Variants in NPHP4 observed in about 807,000 individuals in gnomAD.
The protein encoded by NPHP4 is nephrocystin 4.
NPHP4 carries 151 observed loss-of-function variants against 155.8 expected under a neutral mutation model. The observed-to-expected ratio is 0.97, with a 90% CI of 0.85 to 1.11. NPHP4 has a LOEUF of 1.11. NPHP4 is among the 50% of genes least tolerant of loss of function. The pLI is 0.00. For synonymous variants in NPHP4, 845 were observed against 816.8 expected (o/e 1.03, Z -0.59); for missense variants, 1,956 against 1,925.7 (o/e 1.02, Z -0.29).
At chr1:5,873,816 A>G (rs1460857724) in intron 22 of NPHP4, 1 of 268,010 alleles carries the variant, frequency 3.7e-6, no homozygotes. Context: ...GCACACCTGC[A>G]CACACACCTC....
Position 5,893,988 on chromosome 1 carries a change from C to T in NPHP4, c.2144-2960G>A, listed in dbSNP as rs1644269944. 4.6e-5 allele frequency among the ~76,000 whole-genome samples: 7 copies of T among 152,084 alleles called. No individual in the cohort carries two copies. In the South Asian group the frequency reaches 1.5e-3, roughly 32 times the overall value. ...TTTTTCCTAGGTTATGACCGTAGAG[C>T]GAGGATTATTATAATATTGGAATAC... On this transcript the variant is annotated intron_variant, in intron 16 of 29. Coordinates refer to ENST00000378156, the MANE Select transcript of NPHP4 (RefSeq NM_015102.5).
At chr1:5,962,967 C>A (rs914680998) in intron 5 of NPHP4, among the ~76,000 whole-genome samples, 5 of 152,234 alleles carry the variant, frequency 3.3e-5, no homozygotes, top group Admixed American at 6.5e-5. Flanking sequence ...TCCCGAGGCA[C>A]AGGGCATGCA....
At chr1:5,915,319 A>G (rs1002194300) in intron 11 of NPHP4, among the ~76,000 whole-genome samples, 2 of 152,186 alleles carry the variant, frequency 1.3e-5, no homozygotes, top group African/African-American at 4.8e-5. Flanking sequence ...GTAAAGATGC[A>G]GTCTCTGGGG....
At chr1:5,946,781 G>A (rs1557803126) in intron 9 of NPHP4, among the ~76,000 whole-genome samples, 2 of 152,298 alleles carry the variant, frequency 1.3e-5, no homozygotes, top group East Asian at 1.9e-4. Context: ...TTATGCCTAC[G>A]TAATAAAGTT....
In NPHP4 at chr1:5,899,824, T is replaced by C. The variant is rs568783756; in HGVS notation, c.2143+4793A>G. On this transcript the variant is annotated intron_variant, in intron 16 of 29. Coordinates refer to ENST00000378156, the MANE Select transcript of NPHP4 (RefSeq NM_015102.5). ...GGTAAGAGAATAAAAAGACAAGCCA[T>C]AGATAGGGAAAAAACATTTGCAAAA... 8.5e-5 allele frequency among the ~76,000 whole-genome samples: 13 copies of C among 152,162 alleles called. No homozygotes were observed. The South Asian group carries it at 1.9e-3, about 22-fold the overall frequency.
intron 3 of NPHP4, among the ~76,000 whole-genome samples, chr1:5,976,608 G>A (rs966593083): frequency 6.6e-6 from 1 of 152,178 alleles, no homozygotes; most frequent in African/African-American, 2.4e-5. Flanking sequence ...TCCTGACACG[G>A]CTGGCCAGAG....
intron 11 of NPHP4, among the ~76,000 whole-genome samples, chr1:5,924,416 A>G (rs539252637): frequency 6.6e-6 from 1 of 152,218 alleles, no homozygotes; most frequent in Admixed American, 6.5e-5. Flanking sequence ...AAAATCAGTT[A>G]AAGAATCATT....
intron 27 of NPHP4, 34 bp downstream of exon 27, chr1:5,865,068 G>A (rs201415601): frequency 6.7e-5 from 108 of 1,602,200 alleles, no homozygotes; most frequent in Admixed American, 6.2e-4. Flanking sequence ...TGGGGTTGGG[G>A]AGAGGCTCAG....
intron 2 of NPHP4, among the ~76,000 whole-genome samples, chr1:5,985,537 G>A (rs1655347816): frequency 6.6e-6 from 1 of 152,258 alleles, no homozygotes; most frequent in African/African-American, 2.4e-5. Flanking sequence ...GGGCCATGCT[G>A]AGCCATGCAC....
At chr1:5,986,938 G>A (rs1655575922) in intron 1 of NPHP4, among the ~76,000 whole-genome samples, 1 of 152,080 alleles carries the variant, frequency 6.6e-6, no homozygotes, top group Non-Finnish European at 1.5e-5. Flanking sequence ...GACCCAGGGA[G>A]CATGAGAGAG....
chr1:5,956,066 G>GGT (rs914319120), intron 6 of NPHP4, among the ~76,000 whole-genome samples: 12 of 150,100 alleles, frequency 8.0e-5, no homozygotes, highest in Non-Finnish European at 1.3e-4. Context: ...AGCTGGGGGG[G>GGT]GGGGGTGCAG....
Position 5,863,420 on chromosome 1 carries a change from C to G in NPHP4, c.4141-15G>C. 6.2e-7 allele frequency: 1 copy of G among 1,611,444 alleles called. No individual in the cohort carries two copies. The highest frequency in any genetic ancestry group is 8.5e-7 in the Non-Finnish European group (1 of 1,177,720). ...CCACCCCCGACCTGGAAATAAGCAT[C>G]CAAATCCCAGCATCCACCCCCGGGC... is the stretch of plus-strand genomic sequence containing the variant. On this transcript the variant is annotated splice_polypyrimidine_tract_variant and intron_variant, in intron 29 of 29. Coordinates refer to ENST00000378156, the MANE Select transcript of NPHP4 (RefSeq NM_015102.5).
At chr1:5,903,349 C>A (rs1201331988) in intron 16 of NPHP4, among the ~76,000 whole-genome samples, 1 of 152,142 alleles carries the variant, frequency 6.6e-6, no homozygotes, top group Non-Finnish European at 1.5e-5. Flanking sequence ...TGATCCCTAG[C>A]GCTGCATTTG....
intron 11 of NPHP4, among the ~76,000 whole-genome samples, chr1:5,919,217 T>C (rs545005974): frequency 1.9e-4 from 29 of 152,362 alleles, no homozygotes; most frequent in African/African-American, 6.3e-4. Context: ...TGGGCCTCAA[T>C]TGTAGAAACA....
chr1:5,938,575 G>A, intron 9 of NPHP4, among the ~76,000 whole-genome samples: 1 of 152,220 alleles, frequency 6.6e-6, no homozygotes, highest in East Asian at 1.9e-4. Flanking sequence ...CCTAACCACA[G>A]GCAGTTAAAG....
chr1:5,978,212 C>A, intron 3 of NPHP4, 58 bp downstream of exon 3: 1 of 1,533,586 alleles, frequency 6.5e-7, no homozygotes, highest in East Asian at 2.4e-5. Flanking sequence ...CACCCAGGAC[C>A]ACCCGCACAC....
At chr1:5,987,998 T>C (rs1655730517) in intron 1 of NPHP4, among the ~76,000 whole-genome samples, 2 of 152,224 alleles carry the variant, frequency 1.3e-5, no homozygotes, top group African/African-American at 4.8e-5. Context: ...GGGGCAGTGA[T>C]ATAACGTGAT....
At chr1:5,974,879 G>A (rs996977843) in intron 3 of NPHP4, among the ~76,000 whole-genome samples, 1 of 152,112 alleles carries the variant, frequency 6.6e-6, no homozygotes, top group African/African-American at 2.4e-5. Flanking sequence ...AGCCACGGGC[G>A]CTCCAAATGC....
chr1:5,989,639 C>T (rs1388625837), intron 1 of NPHP4, among the ~76,000 whole-genome samples: 2 of 152,268 alleles, frequency 1.3e-5, no homozygotes, highest in Non-Finnish European at 2.9e-5. Context: ...TGTTTTATAA[C>T]ATTCAGAAAT....
Sources: allele counts gnomAD v4.1 joint callset (sites outside exome capture counted in the v4.1 genomes callset), GRCh38; gene constraint gnomAD v4.1.1; transcripts MANE v1.5; gene names NCBI Gene and HGNC (gene_info 2026-07-23, HGNC 2026-07-21).